The following MAP3K4 variants were observed in gnomAD, a reference collection of about 807,000 sequenced individuals.
MAP3K4 encodes the protein MAP three kinase 1.
A neutral mutation model predicts 185.6 loss-of-function variants in MAP3K4; 67 were observed. The observed-to-expected ratio is 0.36, with a 90% CI of 0.30 to 0.44. MAP3K4 has a LOEUF of 0.44. Ranked by LOEUF, MAP3K4 falls within the 20% of genes least tolerant of loss-of-function variation. MAP3K4 has a pLI of 1.00. For missense variants in MAP3K4, 1,551 were observed against 1,995.1 expected (o/e 0.78, Z 4.24); for synonymous variants, 702 against 710.4 (o/e 0.99, Z 0.19).
At chr6:161,047,414 A>G (rs1332974495) in intron 2 of MAP3K4, among the ~76,000 whole-genome samples, 1 of 152,076 alleles carries the variant, frequency 6.6e-6, no homozygotes, top group East Asian at 1.9e-4. Flanking sequence ...AGAAAAATGT[A>G]AATGAAAAAT....
Position 161,091,939 on chromosome 6 carries a change from T to C in MAP3K4, c.3136-71T>C. 2.4e-6 allele frequency: 3 copies of C among 1,253,022 alleles called. No individual in the cohort carries two copies. The highest frequency in any genetic ancestry group is 3.4e-6 in the Non-Finnish European group (3 of 880,778). 77.6% of individuals were successfully genotyped at this position (1,253,022 alleles called of 1,614,324 possible). ...TTGTTTTTAGAAAACATTTTAGACA[T>C]GGCATTATAGTGTGTGATATTATTT... On this transcript the variant is annotated intron_variant, in intron 12 of 26. Coordinates refer to ENST00000392142, the MANE Select transcript of MAP3K4 (RefSeq NM_005922.4). This position sits in a 1 kb window ranked among gnomAD's most constrained non-coding sequence, Gnocchi z 5.5.
At chr6:161,030,326 A>G (rs372304470) in intron 1 of MAP3K4, among the ~76,000 whole-genome samples, 1 of 151,948 alleles carries the variant, frequency 6.6e-6, no homozygotes, top group East Asian at 1.9e-4. Flanking sequence ...TGTTAAACCC[A>G]TATTTCAGAT....
chr6:161,073,791 C>T lies in MAP3K4; in HGVS notation c.2097+179C>T, dbSNP rs898171019. 5.3e-5 allele frequency among the ~76,000 whole-genome samples: 8 copies of T among 151,966 alleles called. No homozygotes were observed. Among genetic ancestry groups the T allele is most frequent in the Non-Finnish European group, 1.2e-4 (8 of 67,988 alleles). On this transcript the variant is annotated intron_variant, in intron 5 of 26. Coordinates refer to ENST00000392142, the MANE Select transcript of MAP3K4 (RefSeq NM_005922.4). This position sits in a 1 kb window ranked among gnomAD's most constrained non-coding sequence, Gnocchi z 4.2. ...GCTTGTGTGTGTGTATTGCGGAGGG[C>T]GGTGGTGGTGATCTTGAATCAGAGT...
At chr6:161,018,110 G>A (rs1782198874) in intron 1 of MAP3K4, among the ~76,000 whole-genome samples, 1 of 152,182 alleles carries the variant, frequency 6.6e-6, no homozygotes, top group Non-Finnish European at 1.5e-5. Context: ...ATTCCAGACT[G>A]TGTTGCGGGG....
chr6:161,005,257 G>C (rs1781529441), intron 1 of MAP3K4, among the ~76,000 whole-genome samples: 1 of 151,472 alleles, frequency 6.6e-6, no homozygotes, highest in South Asian at 2.1e-4. Flanking sequence ...TCCCACCTCA[G>C]CCTCCCCAGT....
chr6:161,112,854 A>G lies in MAP3K4; in HGVS notation c.4626+80A>G. ...ACAGAACAGTAGTTATGGATTGATT[A>G]TTTATTACAAACACTGTGGACACTA... On this transcript the variant is annotated intron_variant, in intron 25 of 26. Coordinates refer to ENST00000392142, the MANE Select transcript of MAP3K4 (RefSeq NM_005922.4). The surrounding 1 kb of genome is among the most constrained non-coding windows in gnomAD (Gnocchi z 5.1). 1.2e-6 allele frequency: 1 copy of G among 808,448 alleles called. No homozygotes were observed. Among genetic ancestry groups the G allele is most frequent in the Non-Finnish European group, 1.8e-6 (1 of 557,334 alleles). The allele number at this position is 808,448 out of a possible 1,614,324, so 50.1% of individuals were successfully genotyped here. A position where few individuals can be genotyped will look rare whatever the true frequency, so the allele number is the denominator to read the frequency against.
Position 160,996,388 on chromosome 6 carries a change from A to G in MAP3K4, c.152+4305A>G, listed in dbSNP as rs983084456. Among the ~76,000 whole-genome samples, 7 of 152,146 alleles carry G rather than the reference A, an allele frequency of 4.6e-5. No homozygotes were observed. The East Asian group carries it at 5.8e-4, about 13-fold the overall frequency. On this transcript the variant is annotated intron_variant, in intron 1 of 26. Transcript: ENST00000392142. The surrounding 1 kb of genome is among the most constrained non-coding windows in gnomAD (Gnocchi z 4.5). ...CTCTGTTTCCTTCATGTATGCTCTC[A>G]TGGTGTCCTGCAAATCTTGTTCTGA...
Position 161,091,373 on chromosome 6 carries a change from CTT to C in MAP3K4, c.2974-5_2974-4del, listed in dbSNP as rs758178774. The C allele has an allele frequency of 1.2e-6, 2 of 1,612,072 alleles. No individual in the cohort carries two copies. Among genetic ancestry groups the C allele is most frequent in the South Asian group, 2.2e-5 (2 of 90,748 alleles). On this transcript the variant is annotated splice_region_variant and splice_polypyrimidine_tract_variant and intron_variant, in intron 11 of 26. Coordinates refer to ENST00000392142, the MANE Select transcript of MAP3K4 (RefSeq NM_005922.4). This position sits in a 1 kb window ranked among gnomAD's most constrained non-coding sequence, Gnocchi z 5.5. The stretch of plus-strand genomic sequence containing the variant: ...TTTTGCATTAATCATGGTTTGGACT[CTT>C]CAGAATGATGCATTGGAGCTATGCA...
chr6:161,080,764 C>T lies in MAP3K4; in HGVS notation c.2098-117C>T, dbSNP rs547101360. ...CCTTGCTTCTGTCGGTGCTGCGTGC[C>T]TGTGACAGCCCCCGGCCCGCCCCCA... On this transcript the variant is annotated intron_variant, in intron 5 of 26. Transcript: ENST00000392142. The surrounding 1 kb of genome is among the most constrained non-coding windows in gnomAD (Gnocchi z 4.8). The T allele has an allele frequency of 3.6e-5, 29 of 814,896 alleles. 1 individual carries two copies. The South Asian group carries it at 4.5e-4, about 13-fold the overall frequency. 50.5% of individuals were successfully genotyped at this position (814,896 alleles called of 1,614,324 possible).
rs1458798102 is a variant in MAP3K4 at position 161,048,456 on chromosome 6, T to A, written c.344-160T>A. Among the ~76,000 whole-genome samples the A allele has an allele frequency of 2.0e-5, 3 of 152,150 alleles. No individual in the cohort carries two copies. Among genetic ancestry groups the A allele is most frequent in the African/African-American group, 7.2e-5 (3 of 41,432 alleles). On this transcript the variant is annotated intron_variant, in intron 2 of 26. Coordinates refer to ENST00000392142, the MANE Select transcript of MAP3K4 (RefSeq NM_005922.4). This position sits in a 1 kb window ranked among gnomAD's most constrained non-coding sequence, Gnocchi z 4.7. Reference sequence around the variant, plus strand: ...AAAATATAGAAAATGTCATATATATTTTTTGATTCCTTTAATTTTTAGGAT... The same window carrying A: ...AAAATATAGAAAATGTCATATATATATTTTGATTCCTTTAATTTTTAGGAT...
rs533363250 is a variant in MAP3K4, at chr6:161,105,462, C to T, written c.3857-1052C>T. On this transcript the variant is annotated intron_variant, in intron 19 of 26. Coordinates refer to ENST00000392142, the MANE Select transcript of MAP3K4 (RefSeq NM_005922.4). Reference sequence around the variant, plus strand: ...GTTAATTACCTTGCCCATTGTCAAACACCTAGAAAATGGCGAGGCCAGCAT... The same window carrying T: ...GTTAATTACCTTGCCCATTGTCAAATACCTAGAAAATGGCGAGGCCAGCAT... Among the ~76,000 whole-genome samples the T allele has an allele frequency of 3.9e-5, 6 of 152,264 alleles. No individual in the cohort carries two copies. In the East Asian group the frequency reaches 1.2e-3, roughly 29 times the overall value.
In MAP3K4 at chr6:161,116,988, C is replaced by T. The variant is rs1778612766; in HGVS notation, c.*118C>T. On this transcript the variant is annotated 3_prime_UTR_variant, in exon 27 of 27. Transcript: ENST00000392142. The surrounding 1 kb of genome is among the most constrained non-coding windows in gnomAD (Gnocchi z 6.2). ...TTTAACCTTCCAAGACTGAAGACTGCACAGGTGACAAGCGTCACTTCTCCT... is the reference window on the plus strand; with the variant it reads ...TTTAACCTTCCAAGACTGAAGACTGTACAGGTGACAAGCGTCACTTCTCCT... The T allele has an allele frequency of 5.4e-6, 5 of 919,794 alleles. No individual in the cohort carries two copies. Among genetic ancestry groups the T allele is most frequent in the Non-Finnish European group, 8.6e-6 (5 of 578,724 alleles). 57.0% of individuals were successfully genotyped at this position (919,794 alleles called of 1,614,324 possible).
chr6:161,038,407 A>C (rs569225487), intron 2 of MAP3K4, among the ~76,000 whole-genome samples: 1 of 152,316 alleles, frequency 6.6e-6, no homozygotes, highest in South Asian at 2.1e-4. Context: ...TATTTTGAGG[A>C]GCTTTTTAGA....
Position 161,110,753 on chromosome 6 carries a change from T to C in MAP3K4, c.4396+839T>C, listed in dbSNP as rs1778308663. On this transcript the variant is annotated intron_variant, in intron 23 of 26. Coordinates refer to ENST00000392142, the MANE Select transcript of MAP3K4 (RefSeq NM_005922.4). This position sits in a 1 kb window ranked among gnomAD's most constrained non-coding sequence, Gnocchi z 4.8. Reference sequence around the variant, plus strand: ...TCGTGCTCTGTAATGTGGCTCACCCTGAATCACCCAGCATACACCGGTCTC... The same window carrying C: ...TCGTGCTCTGTAATGTGGCTCACCCCGAATCACCCAGCATACACCGGTCTC... Among the ~76,000 whole-genome samples, 1 of 152,218 alleles carries C rather than the reference T, an allele frequency of 6.6e-6. No homozygotes were observed. The highest frequency in any genetic ancestry group is 1.5e-5 in the Non-Finnish European group (1 of 68,034).
intron 2 of MAP3K4, among the ~76,000 whole-genome samples, chr6:161,046,850 A>G (rs1783749926): frequency 6.7e-6 from 1 of 149,852 alleles, no homozygotes; most frequent in South Asian, 2.1e-4. Context: ...TACATTCACA[A>G]CTAATCTCTT....
intron 4 of MAP3K4, among the ~76,000 whole-genome samples, chr6:161,072,192 T>TA (rs1784977083): frequency 6.6e-6 from 1 of 152,230 alleles, no homozygotes; most frequent in East Asian, 1.9e-4. Flanking sequence ...ATAGCTCTCT[T>TA]ACAGTGGATA....
chr6:161,035,220 T>C (rs1260827982), intron 2 of MAP3K4, among the ~76,000 whole-genome samples: 2 of 152,230 alleles, frequency 1.3e-5, no homozygotes, highest in African/African-American at 4.8e-5. Context: ...AAATGCCATA[T>C]ATTCCTGGAA....
chr6:161,093,947 G>A lies in MAP3K4; in HGVS notation c.3427+96G>A. The stretch of plus-strand genomic sequence containing the variant: ...AGTCGTTTAAAATGGTATAAGAGGT[G>A]TTTTAACAGTATTCAGGAAAACGAC... On this transcript the variant is annotated intron_variant, in intron 15 of 26. Coordinates refer to ENST00000392142, the MANE Select transcript of MAP3K4 (RefSeq NM_005922.4). This position sits in a 1 kb window ranked among gnomAD's most constrained non-coding sequence, Gnocchi z 5.2. 2.2e-6 allele frequency: 2 copies of A among 899,932 alleles called. No homozygotes were observed. The highest frequency in any genetic ancestry group is 1.5e-5 in the South Asian group (1 of 65,474). 55.7% of individuals were successfully genotyped at this position (899,932 alleles called of 1,614,324 possible). A position where few individuals can be genotyped will look rare whatever the true frequency, so the allele number is the denominator to read the frequency against.
At chr6:161,065,523 C>T (rs1225169365) in intron 3 of MAP3K4, among the ~76,000 whole-genome samples, 2 of 152,180 alleles carry the variant, frequency 1.3e-5, no homozygotes, top group Admixed American at 6.5e-5. Context: ...TTCTAGAACT[C>T]GAATTGTAGT....
Sources: allele counts gnomAD v4.1 joint callset (sites outside exome capture counted in the v4.1 genomes callset), GRCh38; gene constraint gnomAD v4.1.1; non-coding constraint Gnocchi (gnomAD v3.1); transcripts MANE v1.5; gene names NCBI Gene and HGNC (gene_info 2026-07-23, HGNC 2026-07-21).